LARGE1: variants seen among roughly 807,000 people sequenced by gnomAD.
LARGE1 encodes LARGE xylosyl- and glucuronyltransferase 1, also known as xylosyl- and glucuronyltransferase LARGE1.
In LARGE1, 43 loss-of-function variants were observed where a neutral mutation model predicts 87.6. The ratio of observed to expected loss-of-function variants is 0.49; its 90% confidence interval spans 0.38 to 0.63. The LOEUF is 0.63. Among genes scored for constraint, LARGE1 ranks in the 30% least tolerant of loss-of-function variants. The pLI, the probability that LARGE1 is intolerant of heterozygous loss-of-function variation, is 0.00. For synonymous variants in LARGE1, 434 were observed against 394.6 expected (o/e 1.10, Z -1.18); for missense variants, 802 against 1,000.2 (o/e 0.80, Z 2.67).
chr22:33,404,947 C>T lies in LARGE1; in HGVS notation c.893-20643G>A, dbSNP rs564848728. ...TATCCAGGGTGATTCTTAGTCATCA[C>T]GGCCACAAAAGAGGCTCCCAGTTCG... On this transcript the variant is annotated intron_variant, in intron 7 of 14. Coordinates refer to ENST00000397394, the MANE Select transcript of LARGE1 (RefSeq NM_133642.5). Among the ~76,000 whole-genome samples, 11 of 152,266 alleles carry T rather than the reference C, an allele frequency of 7.2e-5. No individual in the cohort carries two copies. The East Asian group carries it at 9.7e-4, about 13-fold the overall frequency.
chr22:33,789,940 T>C (rs1457516114), intron 1 of LARGE1, among the ~76,000 whole-genome samples: 2 of 152,086 alleles, frequency 1.3e-5, no homozygotes, highest in Non-Finnish European at 1.5e-5. Context: ...CTGAAATGAG[T>C]TGAGACTTTG....
chr22:33,281,611 G>A (rs1050434798), intron 13 of LARGE1, among the ~76,000 whole-genome samples: 8 of 152,092 alleles, frequency 5.3e-5, no homozygotes, highest in Non-Finnish European at 8.8e-5. Context: ...ATGTAATCAC[G>A]GTGCCTGGCA....
intron 1 of LARGE1, among the ~76,000 whole-genome samples, chr22:33,809,425 A>G (rs2146154019): frequency 6.6e-6 from 1 of 152,358 alleles, no homozygotes; most frequent in South Asian, 2.1e-4. Flanking sequence ...TTTGACCAGC[A>G]CTGGTTCCCA....
At chr22:33,322,711 T>C (rs548820257) in intron 10 of LARGE1, 1 of 152,360 alleles carries the variant, frequency 6.6e-6, no homozygotes, top group South Asian at 2.1e-4. Flanking sequence ...AACTTCATGG[T>C]ACCAATAATG....
At chr22:33,822,044 T>C (rs930916679) in intron 1 of LARGE1, among the ~76,000 whole-genome samples, 1 of 151,698 alleles carries the variant, frequency 6.6e-6, no homozygotes, top group Non-Finnish European at 1.5e-5. Flanking sequence ...TTGTAATCTA[T>C]AATAAATATA....
chr22:33,716,995 CTTAA>C (rs2082930399), intron 2 of LARGE1, among the ~76,000 whole-genome samples: 1 of 152,288 alleles, frequency 6.6e-6, no homozygotes, highest in Middle Eastern at 3.4e-3. Context: ...CATTAAACAA[CTTAA>C]TTGTTTTTTG....
At chr22:33,081,151 C>A in the LARGE1 span, among the ~76,000 whole-genome samples, 1 of 152,142 alleles carries the variant, frequency 6.6e-6, no homozygotes, top group Non-Finnish European at 1.5e-5. Flanking sequence ...GAGAAAGTGG[C>A]CATCTACTAG....
intron 7 of LARGE1, among the ~76,000 whole-genome samples, chr22:33,427,670 T>C (rs2066926485): frequency 6.6e-6 from 1 of 152,256 alleles, no homozygotes; most frequent in Admixed American, 6.5e-5. Flanking sequence ...AAAAGAGTTA[T>C]TCAGTTGGGC....
At chr22:33,921,023 A>T (rs1215299470), upstream of LARGE1, among the ~76,000 whole-genome samples, 2 of 149,144 alleles carry the variant, frequency 1.3e-5, no homozygotes, top group East Asian at 2.0e-4. This position sits in a 1 kb window ranked among gnomAD's most constrained non-coding sequence, Gnocchi z 4.1. Flanking sequence ...TGTCTGTGTC[A>T]TGTCTGTGCA....
At chr22:33,793,297 C>A (rs1205495893) in intron 1 of LARGE1, among the ~76,000 whole-genome samples, 1 of 152,106 alleles carries the variant, frequency 6.6e-6, no homozygotes, top group African/African-American at 2.4e-5. Context: ...CAGCCAACCA[C>A]CCCACATCTG....
the LARGE1 span, among the ~76,000 whole-genome samples, chr22:33,088,862 T>C: frequency 6.6e-6 from 1 of 152,170 alleles, no homozygotes; most frequent in African/African-American, 2.4e-5. Context: ...ATGGGGATAA[T>C]AGTGGGTCCT....
intron 2 of LARGE1, among the ~76,000 whole-genome samples, chr22:33,713,365 C>T (rs1469219133): frequency 2.0e-5 from 3 of 152,120 alleles, no homozygotes; most frequent in South Asian, 2.1e-4. Context: ...AACAGCCTTT[C>T]GCTAGGAATC....
chr22:33,091,806 A>G, the LARGE1 span, among the ~76,000 whole-genome samples: 1 of 152,166 alleles, frequency 6.6e-6, no homozygotes, highest in Non-Finnish European at 1.5e-5. Context: ...GTGAGACTTT[A>G]GTGATTTGAT....
the LARGE1 span, among the ~76,000 whole-genome samples, chr22:33,120,462 T>C: frequency 2.7e-5 from 4 of 150,082 alleles, no homozygotes; most frequent in South Asian, 2.1e-4. Flanking sequence ...CTCTCTCTCT[T>C]TCTTTCTTTC....
intron 1 of LARGE1, among the ~76,000 whole-genome samples, chr22:33,773,161 G>A (rs569014092): frequency 3.5e-4 from 54 of 152,280 alleles, no homozygotes; most frequent in African/African-American, 9.6e-4. Flanking sequence ...GCCTCCCTCC[G>A]GGTCTGGGGC....
chr22:33,255,422 C>T (rs1402930114), intron 11 of LARGE1, among the ~76,000 whole-genome samples: 1 of 152,188 alleles, frequency 6.6e-6, no homozygotes, highest in Non-Finnish European at 1.5e-5. Context: ...GCTGGAGAGG[C>T]TTCCTCTGCT....
rs151165765 is a variant in LARGE1 at position 33,797,164 on chromosome 22, A to G, written c.-82-35606T>C. ...ACAGAAGAGGGTGATGGACCCGTGA[A>G]TGGCTAGGTATGTAAGTTGGCACAG... On this transcript the variant is annotated intron_variant, in intron 1 of 14. Coordinates refer to ENST00000397394, the MANE Select transcript of LARGE1 (RefSeq NM_133642.5). Among the ~76,000 whole-genome samples, 455 of 152,240 alleles carry G rather than the reference A, an allele frequency of 3.0e-3. 4 individuals are homozygous for G. The highest frequency in any genetic ancestry group is 0.01 in the African/African-American group (430 of 41,554).
At chr22:33,222,445 T>C (rs1925501787) in intron 11 of LARGE1, among the ~76,000 whole-genome samples, 1 of 152,192 alleles carries the variant, frequency 6.6e-6, no homozygotes, top group Admixed American at 6.5e-5. Flanking sequence ...TATGTCTATA[T>C]CCTAATTCCC....
At chr22:33,594,452 G>T (rs1227819270) in intron 5 of LARGE1, among the ~76,000 whole-genome samples, 1 of 152,056 alleles carries the variant, frequency 6.6e-6, no homozygotes, top group Non-Finnish European at 1.5e-5. Flanking sequence ...ATAACATTTG[G>T]ACAAAGACTC....
Sources: allele counts gnomAD v4.1 joint callset (sites outside exome capture counted in the v4.1 genomes callset), GRCh38; gene constraint gnomAD v4.1.1; non-coding constraint Gnocchi (gnomAD v3.1); transcripts MANE v1.5; gene names NCBI Gene and HGNC (gene_info 2026-07-23, HGNC 2026-07-21).